The following TMEM38B variants were observed in gnomAD, a reference collection of about 807,000 sequenced individuals.
TMEM38B encodes transmembrane protein 38B.
A neutral mutation model predicts 28.7 loss-of-function variants in TMEM38B; 24 were observed. The ratio of observed to expected loss-of-function variants is 0.84; its 90% CI spans 0.61 to 1.18. TMEM38B has a LOEUF of 1.18. Among genes scored for constraint, TMEM38B ranks in the 50% most tolerant of loss-of-function variants. The pLI, the probability that TMEM38B is intolerant of heterozygous loss-of-function variation, is 0.00. For synonymous variants in TMEM38B, 131 were observed against 127.7 expected, an observed-to-expected ratio of 1.03 and a Z score of -0.17; for missense variants, 380 against 350.9, an observed-to-expected ratio of 1.08 and a Z score of -0.66.
At chr9:105,713,926 C>G (rs545297532) in intron 2 of TMEM38B, among the ~76,000 whole-genome samples, 1 of 152,170 alleles carries the variant, frequency 6.6e-6, no homozygotes, top group African/African-American at 2.4e-5. Context: ...TTGGGGCCAC[C>G]TCTGCTGAGA....
intron 5 of TMEM38B, among the ~76,000 whole-genome samples, chr9:105,755,217 A>G (rs1427961274): frequency 6.6e-6 from 1 of 152,166 alleles, no homozygotes; most frequent in Non-Finnish European, 1.5e-5. Flanking sequence ...GGTACAAAGA[A>G]TTGCTGGTAC....
intron 1 of TMEM38B, among the ~76,000 whole-genome samples, chr9:105,695,338 A>G (rs1247747026): frequency 2.6e-5 from 4 of 152,236 alleles, no homozygotes; most frequent in Non-Finnish European, 5.9e-5. Context: ...TAGCCAGACC[A>G]GGATTCCCCT....
chr9:105,737,878 C>A (rs568502639), intron 4 of TMEM38B, among the ~76,000 whole-genome samples: 1 of 152,098 alleles, frequency 6.6e-6, no homozygotes, highest in South Asian at 2.1e-4. Flanking sequence ...TAGCTTAGAC[C>A]CTGAGGAGTA....
chr9:105,697,551 T>A (rs1564381868), intron 1 of TMEM38B, among the ~76,000 whole-genome samples: 2 of 152,200 alleles, frequency 1.3e-5, no homozygotes, highest in Admixed American at 1.3e-4. Flanking sequence ...TATTGGTCAT[T>A]TGTATTTCAT....
chr9:105,697,183 C>T (rs1417188725), intron 1 of TMEM38B, among the ~76,000 whole-genome samples: 1 of 152,154 alleles, frequency 6.6e-6, no homozygotes, highest in East Asian at 1.9e-4. Flanking sequence ...GTTTCCTCAC[C>T]CACCCTAAAT....
At chr9:105,734,022 A>G (rs1588433017) in intron 4 of TMEM38B, among the ~76,000 whole-genome samples, 1 of 150,144 alleles carries the variant, frequency 6.7e-6, no homozygotes. Flanking sequence ...TATTTCCTTG[A>G]TGCATAATGT....
chr9:105,741,596 T>C (rs1280968688), intron 4 of TMEM38B, among the ~76,000 whole-genome samples: 5 of 152,238 alleles, frequency 3.3e-5, no homozygotes, highest in Admixed American at 6.5e-5. Flanking sequence ...GAAACTTAGC[T>C]GCACAATTGT....
intron 4 of TMEM38B, among the ~76,000 whole-genome samples, chr9:105,731,876 C>T (rs562315321): frequency 1.4e-4 from 21 of 152,128 alleles, no homozygotes; most frequent in South Asian, 2.1e-4. Context: ...CCTGAGGAAT[C>T]GCCACACTGT....
rs371137904 is a variant in TMEM38B at position 105,694,548 on chromosome 9, G to T, written c.-113G>T. On this transcript the variant is annotated 5_prime_UTR_variant, in exon 1 of 6. Transcript: ENST00000374692. ...GCGCCAGGGCGCACGCGCGGAGCTGGAGCCGGCGCGGAGGAGCGGGCGGCC... is the reference window on the plus strand; with the variant it reads ...GCGCCAGGGCGCACGCGCGGAGCTGTAGCCGGCGCGGAGGAGCGGGCGGCC... 5 of 679,656 alleles carry T rather than the reference G, an allele frequency of 7.4e-6. No homozygotes were observed. In the East Asian group the frequency reaches 1.1e-4, roughly 14 times the overall value. The allele number at this position is 679,656 out of a possible 1,614,324, so 42.1% of individuals were successfully genotyped here.
chr9:105,700,082 A>G (rs1344352519), intron 1 of TMEM38B, among the ~76,000 whole-genome samples: 4 of 152,214 alleles, frequency 2.6e-5, no homozygotes, highest in Admixed American at 1.3e-4. Context: ...AGTAATTTCT[A>G]TTACACACAA....
intron 5 of TMEM38B, among the ~76,000 whole-genome samples, chr9:105,757,444 C>A (rs1588463979): frequency 1.3e-5 from 2 of 152,146 alleles, no homozygotes; most frequent in African/African-American, 4.8e-5. Flanking sequence ...ATTACTGGAT[C>A]AAATGGTAGT....
At chr9:105,760,895 G>T in intron 5 of TMEM38B, 1 of 534,194 alleles carries the variant, frequency 1.9e-6, no homozygotes, top group Admixed American at 3.7e-5. Flanking sequence ...CAAAATAGTT[G>T]TTTATCAATG....
intron 5 of TMEM38B, chr9:105,758,575 T>C: frequency 9.1e-7 from 1 of 1,093,356 alleles, no homozygotes; most frequent in Non-Finnish European, 1.4e-6. Context: ...AAGAATCATG[T>C]AATTGAAGAT....
chr9:105,709,439 T>C (rs533831158), intron 2 of TMEM38B, among the ~76,000 whole-genome samples: 1 of 152,340 alleles, frequency 6.6e-6, no homozygotes, highest in East Asian at 1.9e-4. Flanking sequence ...TATATTAAGA[T>C]ATGAATGGTG....
At chr9:105,717,026 C>A (rs1256393278) in intron 2 of TMEM38B, among the ~76,000 whole-genome samples, 2 of 152,060 alleles carry the variant, frequency 1.3e-5, no homozygotes, top group African/African-American at 4.8e-5. Flanking sequence ...ATCCCTAACC[C>A]CCATGTTGTT....
chr9:105,738,802 C>T (rs1286213782), intron 4 of TMEM38B, among the ~76,000 whole-genome samples: 5 of 149,010 alleles, frequency 3.4e-5, no homozygotes, highest in South Asian at 2.1e-4. Context: ...ACTGCAGCCT[C>T]GACCTCCCAG....
Position 105,705,708 on chromosome 9 carries a change from A to C in TMEM38B, c.224A>C (p.Lys75Thr). Residue 75 changes from lysine (K) to threonine (T), a missense_variant, in exon 2 of 6, where the codon AAG becomes ACG. Coordinates refer to ENST00000374692, the MANE Select transcript of TMEM38B (RefSeq NM_018112.3). ...SCLLLAEPPL[K>T]FLANHTNILL... ...CTACTGCTTGCAGAGCCTCCATTGAAGTTTCTTGCAAACCACACTAACATA... is the reference window on the plus strand; with the variant it reads ...CTACTGCTTGCAGAGCCTCCATTGACGTTTCTTGCAAACCACACTAACATA... 1 of 1,613,916 alleles carries C rather than the reference A, an allele frequency of 6.2e-7. No individual in the cohort carries two copies. The highest frequency in any genetic ancestry group is 8.5e-7 in the Non-Finnish European group (1 of 1,180,014).
intron 1 of TMEM38B, among the ~76,000 whole-genome samples, chr9:105,699,150 G>C (rs1588380008): frequency 6.6e-6 from 1 of 152,076 alleles, no homozygotes; most frequent in Non-Finnish European, 1.5e-5. Context: ...TTCAGGCTCA[G>C]TAGATGGAGT....
At chr9:105,727,147 AC>A (rs1836546582) in intron 4 of TMEM38B, among the ~76,000 whole-genome samples, 1 of 152,160 alleles carries the variant, frequency 6.6e-6, no homozygotes, top group Non-Finnish European at 1.5e-5. Flanking sequence ...CTTGTGTTAT[AC>A]ATTAGATCTT....
Sources: gnomAD v4.1 joint callset for allele counts (sites outside exome capture counted in the v4.1 genomes callset) on GRCh38, gnomAD v4.1.1 for gene constraint, MANE v1.5 for transcripts, NCBI Gene and HGNC (gene_info 2026-07-23, HGNC 2026-07-21) for gene names.